The following RBMS1 variants were observed in gnomAD, a reference collection of about 807,000 sequenced individuals.
The protein encoded by RBMS1 is RNA binding motif single stranded interacting protein 1, also known as RNA-binding motif, single-stranded-interacting protein 1.
Under a neutral mutation model 62.3 loss-of-function variants are expected in RBMS1, and 17 were observed. The ratio of observed to expected loss-of-function variants is 0.27; its 90% CI spans 0.19 to 0.41. The LOEUF (loss-of-function observed/expected upper bound fraction) is 0.41, where lower values mean the gene tolerates loss of function less well. Among genes scored for constraint, RBMS1 ranks in the 10% least tolerant of loss-of-function variants. RBMS1 has a pLI of 1.00. For synonymous variants in RBMS1, 172 were observed against 170.0 expected (o/e 1.01, Z -0.09); for missense variants, 334 against 504.5 (o/e 0.66, Z 3.24).
At chr2:160,332,721 A>T (rs1223700155) in intron 2 of RBMS1, among the ~76,000 whole-genome samples, 2 of 152,156 alleles carry the variant, frequency 1.3e-5, no homozygotes, top group African/African-American at 2.4e-5. Flanking sequence ...CCTCAGAGCC[A>T]AAAAGGAGTG....
intron 1 of RBMS1, among the ~76,000 whole-genome samples, chr2:160,385,635 T>C (rs1694529714): frequency 6.6e-6 from 1 of 152,190 alleles, no homozygotes; most frequent in African/African-American, 2.4e-5. Context: ...TGTGACGTGA[T>C]GAAATGCTCA....
At chr2:160,429,991 T>C (rs1267693550) in intron 1 of RBMS1, among the ~76,000 whole-genome samples, 1 of 152,242 alleles carries the variant, frequency 6.6e-6, no homozygotes, top group Non-Finnish European at 1.5e-5. Context: ...TAGTCTGCCT[T>C]CCAGTTAGAA....
chr2:160,276,433 G>C (rs1687839508), intron 12 of RBMS1, among the ~76,000 whole-genome samples: 2 of 151,768 alleles, frequency 1.3e-5, no homozygotes, highest in Non-Finnish European at 2.9e-5. Context: ...CCACCAACAG[G>C]CCAGAGTCCT....
intron 2 of RBMS1, among the ~76,000 whole-genome samples, chr2:160,357,522 T>C (rs987284771): frequency 2.6e-5 from 4 of 152,058 alleles, no homozygotes; most frequent in African/African-American, 4.8e-5. Flanking sequence ...CAAATGCATG[T>C]ATGAAGTAGG....
intron 1 of RBMS1, among the ~76,000 whole-genome samples, chr2:160,483,497 G>T (rs1685455111): frequency 6.6e-6 from 1 of 152,102 alleles, no homozygotes. Flanking sequence ...ATATAAAATT[G>T]GATAAAGAAT....
chr2:160,413,669 A>G (rs1210625969), intron 1 of RBMS1, among the ~76,000 whole-genome samples: 1 of 152,242 alleles, frequency 6.6e-6, no homozygotes, highest in Non-Finnish European at 1.5e-5. Flanking sequence ...CCTGGTTAAC[A>G]AAACAGAATA....
chr2:160,446,413 T>A (rs1393503352), intron 1 of RBMS1, among the ~76,000 whole-genome samples: 2 of 152,224 alleles, frequency 1.3e-5, no homozygotes, highest in Admixed American at 1.3e-4. Flanking sequence ...TTCTACCTGT[T>A]TGTTCTAACT....
At chr2:160,472,649 C>T (rs773601206) in intron 1 of RBMS1, among the ~76,000 whole-genome samples, 1 of 152,166 alleles carries the variant, frequency 6.6e-6, no homozygotes, top group African/African-American at 2.4e-5. Context: ...ATAAAATTCA[C>T]TTTGTAATTA....
At chr2:160,332,667 G>A (rs1691345547) in intron 2 of RBMS1, among the ~76,000 whole-genome samples, 1 of 151,980 alleles carries the variant, frequency 6.6e-6, no homozygotes, top group South Asian at 2.1e-4. Context: ...GTAAAAATGG[G>A]TCCTGAACAT....
At chr2:160,420,193 C>T (rs1022924742) in intron 1 of RBMS1, among the ~76,000 whole-genome samples, 1 of 152,142 alleles carries the variant, frequency 6.6e-6, no homozygotes, top group African/African-American at 2.4e-5. Flanking sequence ...AATTTCTGAA[C>T]AGCACTTGTA....
intron 1 of RBMS1, among the ~76,000 whole-genome samples, chr2:160,433,487 T>C (rs755057353): frequency 2.6e-5 from 4 of 152,258 alleles, no homozygotes; most frequent in Non-Finnish European, 4.4e-5. Flanking sequence ...TTGAGTTCAC[T>C]GAATTCAAGT....
At chr2:160,360,030 T>C (rs1204852098) in intron 2 of RBMS1, among the ~76,000 whole-genome samples, 1 of 152,142 alleles carries the variant, frequency 6.6e-6, no homozygotes, top group Non-Finnish European at 1.5e-5. Flanking sequence ...GAGGTTGCAG[T>C]GAGCTGATCA....
chr2:160,313,137 T>A lies in RBMS1; in HGVS notation c.402+19A>T. The A allele has an allele frequency of 6.2e-7, 1 of 1,610,460 alleles. No homozygotes were observed. The highest frequency in any genetic ancestry group is 8.5e-7 in the Non-Finnish European group (1 of 1,177,570). The stretch of plus-strand genomic sequence containing the variant: ...CCAAAGCTGTGGAACAGAGAAGCAA[T>A]TGCTGGCTCTCAACTCACCTTTGCC... On this transcript the variant is annotated intron_variant, in intron 4 of 13. Coordinates refer to ENST00000348849, the MANE Select transcript of RBMS1 (RefSeq NM_016836.4).
intron 1 of RBMS1, among the ~76,000 whole-genome samples, chr2:160,439,660 G>A (rs988802263): frequency 1.3e-5 from 2 of 152,158 alleles, no homozygotes; most frequent in Non-Finnish European, 2.9e-5. Flanking sequence ...GGTGGCGGCC[G>A]GGCAGAGGCT....
intron 3 of RBMS1, 109 bp from the exon 4 acceptor site, chr2:160,313,356 G>T: frequency 9.5e-7 from 1 of 1,048,790 alleles, no homozygotes; most frequent in Non-Finnish European, 1.4e-6. Context: ...ACATGAAAAT[G>T]TCCTGAGGGA....
chr2:160,317,492 T>C (rs893022993), intron 3 of RBMS1, among the ~76,000 whole-genome samples: 3 of 152,158 alleles, frequency 2.0e-5, no homozygotes, highest in Non-Finnish European at 4.4e-5. Flanking sequence ...AGAGCATCAG[T>C]GCTGCCTACT....
chr2:160,447,050 T>C (rs1022575769), intron 1 of RBMS1, among the ~76,000 whole-genome samples: 1 of 152,234 alleles, frequency 6.6e-6, no homozygotes, highest in African/African-American at 2.4e-5. Flanking sequence ...TTAATCAGTA[T>C]AGACGAAGTA....
At chr2:160,327,152 T>C (rs115654710) in intron 2 of RBMS1, among the ~76,000 whole-genome samples, 1 of 152,184 alleles carries the variant, frequency 6.6e-6, no homozygotes, top group Non-Finnish European at 1.5e-5. Flanking sequence ...GATACAGACA[T>C]CTACATACCT....
At chr2:160,418,208 ACTT>A (rs1696280894) in intron 1 of RBMS1, among the ~76,000 whole-genome samples, 1 of 152,220 alleles carries the variant, frequency 6.6e-6, no homozygotes, top group Admixed American at 6.5e-5. Flanking sequence ...CTGGACTGTT[ACTT>A]CTTTGGCAAG....
Sources: allele counts gnomAD v4.1 joint callset (sites outside exome capture counted in the v4.1 genomes callset), GRCh38; gene constraint gnomAD v4.1.1; transcripts MANE v1.5; gene names NCBI Gene and HGNC (gene_info 2026-07-23, HGNC 2026-07-21).